The following SLC16A12 variants were observed in gnomAD, a reference collection of about 807,000 sequenced individuals.
SLC16A12 encodes the protein monocarboxylate transporter 12.
Under a neutral mutation model 42.4 loss-of-function variants are expected in SLC16A12, and 17 were observed. That is an observed-to-expected ratio of 0.40 (90% CI 0.27 to 0.60). The LOEUF is 0.60. SLC16A12 is among the 20% of genes least tolerant of loss of function. The probability of loss-of-function intolerance (pLI) is 0.42; values close to 1 mark genes in which losing one functional copy is unlikely to be tolerated. For missense variants in SLC16A12, 544 were observed against 623.0 expected (o/e 0.87, Z 1.35); for synonymous variants, 224 against 229.4 (o/e 0.98, Z 0.21).
chr10:89,465,661 C>T (rs1210148679), intron 2 of SLC16A12, among the ~76,000 whole-genome samples: 1 of 152,202 alleles, frequency 6.6e-6, no homozygotes, highest in Non-Finnish European at 1.5e-5. Flanking sequence ...TGCTTTCACA[C>T]ACAGCCTGCT....
At chr10:89,481,375 G>A (rs1392659597) in intron 2 of SLC16A12, among the ~76,000 whole-genome samples, 3 of 151,904 alleles carry the variant, frequency 2.0e-5, no homozygotes, top group South Asian at 4.1e-4. Context: ...GTTCACATCC[G>A]CTTGTCTATA....
intron 2 of SLC16A12, among the ~76,000 whole-genome samples, chr10:89,552,805 T>C (rs1482089069): frequency 6.6e-6 from 1 of 152,172 alleles, no homozygotes; most frequent in Admixed American, 6.5e-5. Context: ...ACATCCGCAC[T>C]TGGCTTTCCT....
chr10:89,456,043 T>C (rs978832341), intron 3 of SLC16A12: 1 of 152,208 alleles, frequency 6.6e-6, no homozygotes, highest in Admixed American at 6.5e-5. Context: ...CACTCTGCTG[T>C]AAAATTTTTC....
At chr10:89,530,642 A>G (rs1039822084) in intron 2 of SLC16A12, among the ~76,000 whole-genome samples, 1 of 151,982 alleles carries the variant, frequency 6.6e-6, no homozygotes, top group Non-Finnish European at 1.5e-5. Flanking sequence ...GATGCTCTCG[A>G]TCTCCCGACC....
intron 2 of SLC16A12, chr10:89,462,952 T>C: frequency 5.2e-6 from 1 of 192,886 alleles, no homozygotes; most frequent in Admixed American, 5.5e-5. Context: ...TTCTGGTTCA[T>C]CAACTCAAAG....
intron 2 of SLC16A12, among the ~76,000 whole-genome samples, chr10:89,466,959 T>C (rs1480217304): frequency 1.3e-5 from 2 of 152,100 alleles, no homozygotes; most frequent in Non-Finnish European, 2.9e-5. Context: ...TCAATTCCAA[T>C]AGAACCGGCA....
intron 2 of SLC16A12, among the ~76,000 whole-genome samples, chr10:89,514,556 T>C (rs1843215869): frequency 6.6e-6 from 1 of 152,170 alleles, no homozygotes; most frequent in African/African-American, 2.4e-5. Flanking sequence ...TCAGAGCATG[T>C]ATGGGGAGAG....
chr10:89,516,574 T>C (rs1275718800), intron 2 of SLC16A12, among the ~76,000 whole-genome samples: 8 of 152,212 alleles, frequency 5.3e-5, no homozygotes, highest in Non-Finnish European at 8.8e-5. Context: ...TTAGGGCAAA[T>C]TGGCTGAATT....
chr10:89,447,387 C>G (rs1253101636), intron 3 of SLC16A12, among the ~76,000 whole-genome samples: 1 of 152,172 alleles, frequency 6.6e-6, no homozygotes, highest in African/African-American at 2.4e-5. Flanking sequence ...TGTAAAAGAA[C>G]AGAAATCACA....
intron 2 of SLC16A12, among the ~76,000 whole-genome samples, chr10:89,527,753 A>G (rs956034482): frequency 2.6e-5 from 4 of 151,666 alleles, no homozygotes; most frequent in African/African-American, 9.7e-5. Context: ...GCAATGAACC[A>G]TCATTGCACC....
chr10:89,441,300 T>A, intron 4 of SLC16A12, 49 bp from the exon 5 acceptor site: 2 of 1,609,698 alleles, frequency 1.2e-6, no homozygotes, highest in Non-Finnish European at 1.7e-6. Flanking sequence ...TTGAGGGCAC[T>A]GTGAAAGGCT....
intron 2 of SLC16A12, among the ~76,000 whole-genome samples, chr10:89,542,071 G>A (rs1843718658): frequency 1.3e-5 from 2 of 151,970 alleles, no homozygotes; most frequent in South Asian, 2.1e-4. Flanking sequence ...ACAAATACGA[G>A]AGTGGCGGGC....
chr10:89,494,186 G>A (rs565229713), intron 2 of SLC16A12, among the ~76,000 whole-genome samples: 1 of 152,270 alleles, frequency 6.6e-6, no homozygotes, highest in African/African-American at 2.4e-5. Context: ...AAACCCATTG[G>A]TCCAGCATCA....
chr10:89,462,774 C>A, intron 2 of SLC16A12, 150 bp from the exon 3 acceptor site: 1 of 828,284 alleles, frequency 1.2e-6, no homozygotes, highest in Non-Finnish European at 1.8e-6. Flanking sequence ...ATTTGTTGTC[C>A]TTGGTACATG....
At chr10:89,529,758 C>T (rs759080007) in intron 2 of SLC16A12, among the ~76,000 whole-genome samples, 32 of 151,946 alleles carry the variant, frequency 2.1e-4, no homozygotes, top group Non-Finnish European at 3.2e-4. Context: ...ATGTTGGCCA[C>T]GCTAGTCTCG....
At chr10:89,486,170 G>A (rs898357572) in intron 2 of SLC16A12, among the ~76,000 whole-genome samples, 5 of 152,058 alleles carry the variant, frequency 3.3e-5, no homozygotes, top group Admixed American at 1.3e-4. Flanking sequence ...AAGATGACCC[G>A]TGTCTTGCAG....
At chr10:89,443,617 T>G in intron 4 of SLC16A12, 139 bp downstream of exon 4, 1 of 702,122 alleles carries the variant, frequency 1.4e-6, no homozygotes, top group South Asian at 1.6e-5. Flanking sequence ...TGATCTTTTC[T>G]TTATATTATA....
chr10:89,461,784 C>T (rs1318708724), intron 3 of SLC16A12, among the ~76,000 whole-genome samples: 4 of 152,204 alleles, frequency 2.6e-5, no homozygotes, highest in African/African-American at 9.6e-5. Context: ...GGAGCTATGC[C>T]AGCTTAAGCT....
intron 2 of SLC16A12, among the ~76,000 whole-genome samples, chr10:89,554,338 C>T (rs922246368): frequency 2.0e-5 from 3 of 152,124 alleles, no homozygotes; most frequent in African/African-American, 7.2e-5. Flanking sequence ...CTGATAGCAC[C>T]TGAAGACCCT....
Sources: allele counts gnomAD v4.1 joint callset (sites outside exome capture counted in the v4.1 genomes callset), GRCh38; gene constraint gnomAD v4.1.1; transcripts MANE v1.5; gene names NCBI Gene and HGNC (gene_info 2026-07-23, HGNC 2026-07-21).